ARHGAP32: variants seen among roughly 807,000 people sequenced by gnomAD.
ARHGAP32 encodes the protein rho GTPase-activating protein 32.
ARHGAP32 carries 51 observed loss-of-function variants against 186.5 expected under a neutral mutation model. The observed-to-expected ratio is 0.27, with a 90% CI of 0.22 to 0.35. The LOEUF (loss-of-function observed/expected upper bound fraction) is 0.35. Among genes scored for constraint, ARHGAP32 ranks in the 10% least tolerant of loss-of-function variants. The probability of loss-of-function intolerance (pLI) is 1.00; values close to 1 mark genes in which losing one functional copy is unlikely to be tolerated. For synonymous variants in ARHGAP32, 950 were observed against 964.3 expected (o/e 0.99, Z 0.27); for missense variants, 2,186 against 2,623.5 (o/e 0.83, Z 3.64).
intron 11 of ARHGAP32, among the ~76,000 whole-genome samples, chr11:129,031,278 A>G (rs1221461399): frequency 2.0e-5 from 3 of 152,234 alleles, no homozygotes; most frequent in Admixed American, 1.3e-4. Context: ...ATAACAGTTG[A>G]CATTCACTAA....
chr11:129,173,905 G>A (rs1943832042), intron 1 of ARHGAP32, among the ~76,000 whole-genome samples: 1 of 152,074 alleles, frequency 6.6e-6, no homozygotes, highest in African/African-American at 2.4e-5. Flanking sequence ...AAAAAAGCAA[G>A]AAAAAATGTA....
chr11:129,275,853 G>A (rs955385578), intron 1 of ARHGAP32, among the ~76,000 whole-genome samples: 11 of 152,340 alleles, frequency 7.2e-5, no homozygotes, highest in Non-Finnish European at 1.3e-4. Flanking sequence ...GGCCAGATAT[G>A]GCCTGCAGGC....
intron 11 of ARHGAP32, among the ~76,000 whole-genome samples, chr11:129,029,778 G>A (rs1939024533): frequency 7.6e-6 from 1 of 131,072 alleles, no homozygotes. Flanking sequence ...CTGCAGCCTG[G>A]GGGACAGAGG....
chr11:128,981,763 C>G (rs1243971404), intron 16 of ARHGAP32, 66 bp downstream of exon 16: 1 of 1,291,084 alleles, frequency 7.7e-7, no homozygotes, highest in Non-Finnish European at 1.1e-6. Flanking sequence ...CCTTAAAGAA[C>G]ACTGATGAAT....
At chr11:129,193,547 A>AT (rs1944314420), upstream of ARHGAP32, among the ~76,000 whole-genome samples, 5 of 22,168 alleles carry the variant, frequency 2.3e-4, no homozygotes, top group Non-Finnish European at 4.1e-4. Flanking sequence ...TATATTATAT[A>AT]TAATATATAT....
chr11:129,273,333 G>T (rs965041738), intron 1 of ARHGAP32, among the ~76,000 whole-genome samples: 2 of 152,088 alleles, frequency 1.3e-5, no homozygotes, highest in African/African-American at 4.8e-5. Context: ...AAAGAGATGT[G>T]GTTTCCCTTA....
chr11:129,084,922 A>G (rs560606390), intron 6 of ARHGAP32, among the ~76,000 whole-genome samples: 60 of 152,358 alleles, frequency 3.9e-4, no homozygotes, highest in African/African-American at 1.4e-3. Flanking sequence ...TCCTGGCACT[A>G]ATAAATGATT....
At chr11:129,102,715 T>G (rs1941936456) in intron 5 of ARHGAP32, among the ~76,000 whole-genome samples, 2 of 152,120 alleles carry the variant, frequency 1.3e-5, no homozygotes, top group Admixed American at 1.3e-4. Context: ...AAACATCAAG[T>G]GCTGGTTTCA....
At chr11:129,208,691 T>C (rs1944545383) in intron 1 of ARHGAP32, among the ~76,000 whole-genome samples, 1 of 149,268 alleles carries the variant, frequency 6.7e-6, no homozygotes, top group African/African-American at 2.5e-5. Flanking sequence ...TGAGACAGAG[T>C]CTTGCTCTTG....
upstream of ARHGAP32, among the ~76,000 whole-genome samples, chr11:129,194,492 T>A (rs1412407545): frequency 6.6e-6 from 1 of 151,466 alleles, no homozygotes; most frequent in Non-Finnish European, 1.5e-5. Flanking sequence ...AAGAAAGGGG[T>A]AAAAGTATAG....
At position 128,969,037 on chromosome 11, in the gene ARHGAP32, A is replaced by T; in HGVS notation, c.6176T>A (p.Met2059Lys). 6.2e-7 allele frequency: 1 copy of T among 1,612,386 alleles called. No individual in the cohort carries two copies. The highest frequency in any genetic ancestry group is 8.5e-7 in the Non-Finnish European group (1 of 1,178,860). Residue 2059 changes from methionine to lysine, a missense_variant, in exon 23 of 23, where the codon ATG (methionine) becomes AAG (lysine). By Grantham distance (95) the Met-to-Lys change is moderately conservative. Coordinates refer to ENST00000682385, the MANE Select transcript of ARHGAP32 (RefSeq NM_001378024.1). The surrounding 1 kb of genome is among the most constrained non-coding windows in gnomAD (Gnocchi z 4.8). Reference sequence around the variant, plus strand: ...AAAGCCAGGGGGCACATACGTCCCCATGCCGCCCCCTCCAAAGACTCCTCG... The same window carrying T: ...AAAGCCAGGGGGCACATACGTCCCCTTGCCGCCCCCTCCAAAGACTCCTCG... ...HQRGVFGGGG[M>K]GTYVPPGFPH...
intron 6 of ARHGAP32, among the ~76,000 whole-genome samples, chr11:129,092,198 G>T (rs968935970): frequency 7.9e-5 from 12 of 151,778 alleles, no homozygotes; most frequent in African/African-American, 2.9e-4. Flanking sequence ...TACCATGCTT[G>T]CCTTCTGAAG....
At chr11:129,258,570 G>A (rs983349970) in intron 1 of ARHGAP32, among the ~76,000 whole-genome samples, 1 of 151,936 alleles carries the variant, frequency 6.6e-6, no homozygotes, top group Admixed American at 6.6e-5. Flanking sequence ...CCAAATCTCT[G>A]CCTCCACTAA....
At chr11:129,279,621 C>T (rs927297602), upstream of ARHGAP32, among the ~76,000 whole-genome samples, 2 of 145,582 alleles carry the variant, frequency 1.4e-5, no homozygotes, top group Admixed American at 6.8e-5. Flanking sequence ...ACGCCCGCAG[C>T]GGGGAGAAGA....
intron 1 of ARHGAP32, among the ~76,000 whole-genome samples, chr11:129,236,682 T>C (rs969010342): frequency 1.3e-5 from 2 of 152,184 alleles, no homozygotes; most frequent in African/African-American, 4.8e-5. Context: ...AGGTATACAA[T>C]CACATATCAT....
chr11:129,018,035 T>TTTTA (rs961653079), intron 11 of ARHGAP32, among the ~76,000 whole-genome samples: 2 of 151,978 alleles, frequency 1.3e-5, no homozygotes, highest in African/African-American at 4.8e-5. Context: ...TTATTATTAT[T>TTTTA]TTTATTTATT....
At chr11:129,144,241 A>C (rs993480622) in intron 2 of ARHGAP32, among the ~76,000 whole-genome samples, 5 of 152,182 alleles carry the variant, frequency 3.3e-5, no homozygotes, top group African/African-American at 1.2e-4. Context: ...TACTAAGGAA[A>C]AAAATAATTA....
chr11:129,064,233 CA>C (rs147900948), intron 8 of ARHGAP32, among the ~76,000 whole-genome samples: 43,012 of 150,000 alleles, frequency 0.29, 6,482 homozygotes, highest in Middle Eastern at 0.42. Flanking sequence ...CTCATAACTC[CA>C]AAAAAAAATA....
chr11:129,243,319 T>C (rs1156904243), intron 1 of ARHGAP32, among the ~76,000 whole-genome samples: 1 of 152,200 alleles, frequency 6.6e-6, no homozygotes, highest in Non-Finnish European at 1.5e-5. Flanking sequence ...TGACATCTAG[T>C]CTACCTCTCA....
Sources: allele counts gnomAD v4.1 joint callset (sites outside exome capture counted in the v4.1 genomes callset), GRCh38; gene constraint gnomAD v4.1.1; non-coding constraint Gnocchi (gnomAD v3.1); transcripts MANE v1.5; gene names NCBI Gene and HGNC (gene_info 2026-07-23, HGNC 2026-07-21).